Variants in TUSC3 observed in about 807,000 individuals in gnomAD.
TUSC3 encodes dolichyl-diphosphooligosaccharide--protein glycosyltransferase subunit TUSC3.
Under a neutral mutation model 44.8 loss-of-function variants are expected in TUSC3, and 45 were observed. The ratio of observed to expected loss-of-function variants is 1.00; its 90% CI spans 0.79 to 1.29. The LOEUF (loss-of-function observed/expected upper bound fraction) is 1.29. Ranked by LOEUF, TUSC3 falls within the 50% of genes most tolerant of loss-of-function variation. The pLI is 0.00. For synonymous variants in TUSC3, 212 were observed against 152.9 expected, an observed-to-expected ratio of 1.39 and a Z score of -2.85; for missense variants, 519 against 437.9, an observed-to-expected ratio of 1.19 and a Z score of -1.65.
chr8:15,638,801 C>G (rs1472724075), intron 2 of TUSC3, among the ~76,000 whole-genome samples: 1 of 152,204 alleles, frequency 6.6e-6, no homozygotes, highest in African/African-American at 2.4e-5. Context: ...GCTGGGATTA[C>G]AGGCTTGAGC....
At chr8:15,540,644 C>T in intron 1 of TUSC3, 76 bp downstream of exon 1, 2 of 1,440,952 alleles carry the variant, frequency 1.4e-6, no homozygotes, top group Middle Eastern at 2.1e-4. Context: ...GCAGCCCTGC[C>T]GTGTTGCTAG....
Position 15,560,286 on chromosome 8 carries a change from A to T in TUSC3, c.138+19718A>T, listed in dbSNP as rs1214015577. On this transcript the variant is annotated intron_variant, in intron 1 of 10. Transcript: ENST00000503731. ...GAAGCTTAGTTTGGCTGGATATGAA[A>T]TTCTGGGTTGAAATTTCTTGTCTTT... 1.5e-4 allele frequency among the ~76,000 whole-genome samples: 22 copies of T among 143,306 alleles called. 1 individual carries two copies. Among genetic ancestry groups the T allele is most frequent in the African/African-American group, 5.7e-4 (22 of 38,830 alleles). The allele number at this position is 143,306 out of a possible 152,430, so 94.0% of individuals were successfully genotyped here. A position where few individuals can be genotyped will look rare whatever the true frequency, so the allele number is the denominator to read the frequency against.
In TUSC3 at chr8:15,707,152, GAGTT is replaced by G. The variant is rs565990537; in HGVS notation, c.799-23510_799-23507del. 5.9e-4 allele frequency among the ~76,000 whole-genome samples: 90 copies of G among 152,088 alleles called. No individual in the cohort carries two copies. The South Asian group carries it at 0.016, about 28-fold the overall frequency. On this transcript the variant is annotated intron_variant, in intron 6 of 10. Transcript: ENST00000503731. ...ATTTTATATCAGATGGTATATTTGAGAGTTAGTCACTTTCATAATGCCTACATAA... is the reference window on the plus strand; with the variant it reads ...ATTTTATATCAGATGGTATATTTGAGAGTCACTTTCATAATGCCTACATAA...
chr8:15,649,445 T>G (rs1478501858), intron 2 of TUSC3, among the ~76,000 whole-genome samples: 2 of 151,784 alleles, frequency 1.3e-5, no homozygotes, highest in African/African-American at 4.8e-5. Context: ...TTAGCCGGGC[T>G]TGGTGGCGGG....
intron 1 of TUSC3, among the ~76,000 whole-genome samples, chr8:15,457,215 T>C (rs1043155280): frequency 1.3e-5 from 2 of 151,310 alleles, no homozygotes; most frequent in African/African-American, 4.9e-5. Flanking sequence ...ACACCTAAAG[T>C]AAATGACGAG....
upstream of TUSC3, among the ~76,000 whole-genome samples, chr8:15,537,025 A>G (rs903126514): frequency 6.6e-5 from 10 of 152,142 alleles, no homozygotes; most frequent in Non-Finnish European, 1.2e-4. Flanking sequence ...TCCACATTCT[A>G]TACAGAATCC....
At chr8:15,824,289 T>C in the TUSC3 span, among the ~76,000 whole-genome samples, 1 of 152,216 alleles carries the variant, frequency 6.6e-6, no homozygotes, top group Non-Finnish European at 1.5e-5. Context: ...CAATGTCTAT[T>C]TATACATAGA....
chr8:15,732,100 G>C (rs1051040332), intron 7 of TUSC3, among the ~76,000 whole-genome samples: 5 of 152,162 alleles, frequency 3.3e-5, no homozygotes, highest in African/African-American at 4.8e-5. Context: ...AGGCTAGTTG[G>C]TGTATTCCTC....
In TUSC3 at chr8:15,748,993, G is replaced by A. The variant is rs17674901; in HGVS notation, c.1028+528G>A. ...CAAATATATTGAAAATTCAAAGGCC[G>A]CATTATTATTACCAAACTATAGTTT... On this transcript the variant is annotated intron_variant, in intron 9 of 10. Transcript: ENST00000503731. The A allele has an allele frequency of 9.3e-3, 3,211 of 344,372 alleles. 19 individuals carry two copies. The highest frequency in any genetic ancestry group is 0.016 in the East Asian group (202 of 13,008). 21.3% of individuals were successfully genotyped at this position (344,372 alleles called of 1,614,324 possible).
chr8:15,516,210 C>G (rs952660193), intron 2 of TUSC3, among the ~76,000 whole-genome samples: 3 of 152,102 alleles, frequency 2.0e-5, no homozygotes, highest in African/African-American at 7.2e-5. Flanking sequence ...ATTGACATAT[C>G]TTATATTCTG....
intron 2 of TUSC3, among the ~76,000 whole-genome samples, chr8:15,636,783 C>T (rs889965405): frequency 5.3e-5 from 8 of 152,204 alleles, no homozygotes; most frequent in African/African-American, 7.2e-5. Flanking sequence ...TATTTCAGTG[C>T]CTAAAGAGTT....
Position 15,460,691 on chromosome 8 carries a change from G to C in TUSC3, n.92-22695G>C, listed in dbSNP as rs183480563. 2.1e-4 allele frequency among the ~76,000 whole-genome samples: 32 copies of C among 152,288 alleles called. 1 individual carries two copies. Among genetic ancestry groups the C allele is most frequent in the Middle Eastern group, 3.4e-3 (1 of 294 alleles). On this transcript the variant is annotated intron_variant and non_coding_transcript_variant, in intron 1 of 5. Coordinates refer to the TUSC3 transcript ENST00000503191. Reference sequence around the variant, plus strand: ...TAGATTTAAGTCCGTAATCCATCTTGAGTTGATTTTTGTGTAAGATGAGAG... The same window carrying C: ...TAGATTTAAGTCCGTAATCCATCTTCAGTTGATTTTTGTGTAAGATGAGAG...
intron 6 of TUSC3, among the ~76,000 whole-genome samples, chr8:15,708,544 G>T (rs115971492): frequency 0.014 from 2,139 of 152,078 alleles, 43 homozygotes; most frequent in African/African-American, 0.047. Flanking sequence ...CTGTGGTTCA[G>T]TGAGCAGTGT....
chr8:15,522,184 C>T (rs1289832717), intron 2 of TUSC3, among the ~76,000 whole-genome samples: 1 of 152,030 alleles, frequency 6.6e-6, no homozygotes, highest in Non-Finnish European at 1.5e-5. Flanking sequence ...AGCTGTTCCA[C>T]CACAAGTCAT....
chr8:15,700,898 A>G (rs1360950799), intron 6 of TUSC3, among the ~76,000 whole-genome samples: 3 of 115,750 alleles, frequency 2.6e-5, no homozygotes, highest in East Asian at 5.8e-4. Flanking sequence ...TGGGTTGCCC[A>G]CTTCTCCAGT....
At position 15,560,278 on chromosome 8, in the gene TUSC3, G is replaced by C. The variant is rs1318957143; in HGVS notation, c.138+19710G>C. On this transcript the variant is annotated intron_variant, in intron 1 of 10. Coordinates refer to ENST00000503731, the MANE Select transcript of TUSC3 (RefSeq NM_006765.4). Reference sequence around the variant, plus strand: ...TCACTTATGAAGCTTAGTTTGGCTGGATATGAAATTCTGGGTTGAAATTTC... The same window carrying C: ...TCACTTATGAAGCTTAGTTTGGCTGCATATGAAATTCTGGGTTGAAATTTC... 4.2e-5 allele frequency among the ~76,000 whole-genome samples: 6 copies of C among 144,086 alleles called. 1 individual carries two copies. The highest frequency in any genetic ancestry group is 1.5e-4 in the African/African-American group (6 of 39,048). 94.5% of individuals were successfully genotyped at this position (144,086 alleles called of 152,430 possible). A position where few individuals can be genotyped will look rare whatever the true frequency, so the allele number is the denominator to read the frequency against.
At chr8:15,681,073 G>C (rs771069834) in intron 6 of TUSC3, among the ~76,000 whole-genome samples, 1 of 148,980 alleles carries the variant, frequency 6.7e-6, no homozygotes, top group African/African-American at 2.5e-5. Flanking sequence ...GCCAGGTTTT[G>C]ATATCGGTGC....
Position 15,754,923 on chromosome 8 carries a change from C to A in TUSC3, c.1029-2868C>A, listed in dbSNP as rs940852326. On this transcript the variant is annotated intron_variant, in intron 9 of 10. Transcript: ENST00000503731. ...ATCTTAAGCCTTACAAAACCTTAAA[C>A]ATCTATGCCCTTCATCATATTTTTT... 6.4e-4 allele frequency among the ~76,000 whole-genome samples: 98 copies of A among 152,022 alleles called. 1 individual carries two copies. Among genetic ancestry groups the A allele is most frequent in the African/African-American group, 2.2e-3 (90 of 41,406 alleles).
At chr8:15,429,296 T>A (rs1799842774) in intron 1 of TUSC3, among the ~76,000 whole-genome samples, 2 of 152,096 alleles carry the variant, frequency 1.3e-5, no homozygotes, top group Admixed American at 1.3e-4. Flanking sequence ...GCAGCATTAT[T>A]TCTGAGGGCT....
Sources: allele counts gnomAD v4.1 joint callset (sites outside exome capture counted in the v4.1 genomes callset), GRCh38; gene constraint gnomAD v4.1.1; transcripts MANE v1.5; gene names NCBI Gene and HGNC (gene_info 2026-07-23, HGNC 2026-07-21).